The following IPO11 variants were observed in gnomAD, a reference collection of about 807,000 sequenced individuals.
The protein encoded by IPO11 is importin 11.
IPO11 carries 66 observed loss-of-function variants against 143.2 expected under a neutral mutation model. The ratio of observed to expected loss-of-function variants is 0.46; its 90% CI spans 0.38 to 0.57. The LOEUF (loss-of-function observed/expected upper bound fraction) is 0.57, where lower values mean the gene tolerates loss of function less well. Among genes scored for constraint, IPO11 ranks in the 20% least tolerant of loss-of-function variants. The pLI, the probability that IPO11 is intolerant of heterozygous loss-of-function variation, is 0.00. For synonymous variants in IPO11, 385 were observed against 377.8 expected (o/e 1.02, Z -0.22); for missense variants, 1,026 against 1,141.0 (o/e 0.90, Z 1.45).
At chr5:62,618,965 T>C (rs1216830806) in intron 29 of IPO11, among the ~76,000 whole-genome samples, 3 of 152,200 alleles carry the variant, frequency 2.0e-5, no homozygotes, top group Non-Finnish European at 4.4e-5. Context: ...GCTGGGTGGC[T>C]TACGCCTGTA....
chr5:62,534,684 TCTTTGTTGTGAGGGA>T (rs1742675342), intron 22 of IPO11, among the ~76,000 whole-genome samples: 1 of 152,148 alleles, frequency 6.6e-6, no homozygotes, highest in Non-Finnish European at 1.5e-5. Flanking sequence ...GTCAGGTAAT[TCTTTGTTGTGAGGGA>T]CTTTCCTTTG....
At chr5:62,495,528 G>T (rs1241790536) in intron 16 of IPO11, among the ~76,000 whole-genome samples, 1 of 152,156 alleles carries the variant, frequency 6.6e-6, no homozygotes, top group Admixed American at 6.5e-5. Flanking sequence ...CGGTTGCAGT[G>T]CAGTGATACT....
chr5:62,497,469 T>C (rs1419863945), intron 16 of IPO11, among the ~76,000 whole-genome samples: 1 of 152,196 alleles, frequency 6.6e-6, no homozygotes, highest in Non-Finnish European at 1.5e-5. Flanking sequence ...AATAGATTTA[T>C]TGATTACTTT....
intron 27 of IPO11, among the ~76,000 whole-genome samples, chr5:62,568,392 C>G (rs373345250): frequency 6.6e-6 from 1 of 150,834 alleles, no homozygotes; most frequent in African/African-American, 2.4e-5. Context: ...CTAGTATTTC[C>G]GTTTGATTTT....
In IPO11 at chr5:62,470,181, A is replaced by G; in HGVS notation, c.650-69A>G. ...GCTTGATTAAGTTTTGCAATTCTGAATCTTTCTTGTGATTGTAATTTTAGT... is the reference window on the plus strand; with the variant it reads ...GCTTGATTAAGTTTTGCAATTCTGAGTCTTTCTTGTGATTGTAATTTTAGT... On this transcript the variant is annotated intron_variant, in intron 6 of 29. Transcript: ENST00000325324. 6 of 1,458,614 alleles carry G rather than the reference A, an allele frequency of 4.1e-6. No homozygotes were observed. In the South Asian group the frequency reaches 6.9e-5, roughly 17 times the overall value. 90.4% of individuals were successfully genotyped at this position (1,458,614 alleles called of 1,614,324 possible).
intron 9 of IPO11, among the ~76,000 whole-genome samples, chr5:62,481,935 G>A (rs564225869): frequency 6.6e-6 from 1 of 152,062 alleles, no homozygotes; most frequent in African/African-American, 2.4e-5. Flanking sequence ...TTTTTTGATT[G>A]GTAAGCTATT....
chr5:62,419,958 G>T (rs570819629), intron 1 of IPO11, among the ~76,000 whole-genome samples: 1 of 151,956 alleles, frequency 6.6e-6, no homozygotes, highest in Non-Finnish European at 1.5e-5. Context: ...TTATGATGCC[G>T]GCATTGCTCT....
chr5:62,469,915 G>A (rs1431677290), intron 6 of IPO11, among the ~76,000 whole-genome samples: 1 of 152,142 alleles, frequency 6.6e-6, no homozygotes, highest in Non-Finnish European at 1.5e-5. Context: ...TTGAGTCATA[G>A]CTTAAAGTTT....
At chr5:62,594,345 C>A (rs1175431958) in intron 28 of IPO11, among the ~76,000 whole-genome samples, 1 of 152,190 alleles carries the variant, frequency 6.6e-6, no homozygotes, top group Non-Finnish European at 1.5e-5. Flanking sequence ...GTGGAAATCA[C>A]CAGTGGACCT....
chr5:62,447,643 T>G (rs992870554), intron 3 of IPO11, among the ~76,000 whole-genome samples: 1 of 151,848 alleles, frequency 6.6e-6, no homozygotes, highest in Non-Finnish European at 1.5e-5. Flanking sequence ...TGGAGTGCAG[T>G]GGTGCCATCA....
intron 29 of IPO11, among the ~76,000 whole-genome samples, chr5:62,602,993 C>A (rs1431288316): frequency 6.6e-6 from 1 of 152,140 alleles, no homozygotes; most frequent in Non-Finnish European, 1.5e-5. Context: ...TACTTTTCTT[C>A]CCCCAAAACA....
In IPO11 at chr5:62,453,707, T is replaced by A. The variant is rs75075322; in HGVS notation, c.516+1774T>A. 7.9e-3 allele frequency among the ~76,000 whole-genome samples: 1,202 copies of A among 152,320 alleles called. 20 individuals are homozygous for A. The highest frequency in any genetic ancestry group is 0.027 in the African/African-American group (1,138 of 41,568). On this transcript the variant is annotated intron_variant, in intron 5 of 29. Transcript: ENST00000325324. The stretch of plus-strand genomic sequence containing the variant: ...GACTGAGAGGTTTCTGAACCACACC[T>A]TTGGAATCCTCACTTTGAGGATTAT...
intron 29 of IPO11, 75 bp from the exon 30 acceptor site, chr5:62,627,079 G>A (rs1022411477): frequency 3.8e-6 from 5 of 1,331,708 alleles, no homozygotes; most frequent in Non-Finnish European, 5.2e-6. Context: ...AGATTACAAA[G>A]AACTTTTGTA....
At chr5:62,508,504 T>TTTCTTC (rs933097655) in intron 19 of IPO11, among the ~76,000 whole-genome samples, 1 of 151,718 alleles carries the variant, frequency 6.6e-6, no homozygotes, top group Non-Finnish European at 1.5e-5. Flanking sequence ...ACAATAGTGC[T>TTTCTTC]TTCTTCTTCT....
chr5:62,589,537 A>G (rs1352722993), intron 27 of IPO11, among the ~76,000 whole-genome samples: 2 of 152,174 alleles, frequency 1.3e-5, no homozygotes, highest in Non-Finnish European at 2.9e-5. Flanking sequence ...ATGCTTACCC[A>G]TTAAACATCT....
At chr5:62,614,953 A>G (rs1746075303) in intron 29 of IPO11, among the ~76,000 whole-genome samples, 1 of 152,104 alleles carries the variant, frequency 6.6e-6, no homozygotes, top group South Asian at 2.1e-4. Flanking sequence ...CCTAGACTTT[A>G]GCCATCCAGT....
In IPO11 at chr5:62,616,960, TA is replaced by T. The variant is rs544010572; in HGVS notation, c.2764-10191del. Reference sequence around the variant, plus strand: ...TTGAGGACACTGACTGACCCATTATTAAACTTTCTTGCCTTTAAAGGTTCTC... The same window carrying T: ...TTGAGGACACTGACTGACCCATTATTAACTTTCTTGCCTTTAAAGGTTCTC... On this transcript the variant is annotated intron_variant, in intron 29 of 29. Transcript: ENST00000325324. Among the ~76,000 whole-genome samples, 500 of 152,310 alleles carry T rather than the reference TA, an allele frequency of 3.3e-3. 3 individuals are homozygous for T. Among genetic ancestry groups the T allele is most frequent in the African/African-American group, 0.011 (476 of 41,568 alleles).
At chr5:62,590,106 T>C (rs919903662) in intron 27 of IPO11, among the ~76,000 whole-genome samples, 3 of 152,256 alleles carry the variant, frequency 2.0e-5, no homozygotes, top group Non-Finnish European at 2.9e-5. Context: ...CACTCCACCA[T>C]CTCAGTCTTT....
chr5:62,614,088 A>ATCTGATTTTATATGATG (rs1746035363), intron 29 of IPO11, among the ~76,000 whole-genome samples: 1 of 152,232 alleles, frequency 6.6e-6, no homozygotes, highest in South Asian at 2.1e-4. Context: ...ACATCATATT[A>ATCTGATTTTATATGATG]ATCATCTGAT....
Sources: gnomAD v4.1 joint callset for allele counts (sites outside exome capture counted in the v4.1 genomes callset) on GRCh38, gnomAD v4.1.1 for gene constraint, MANE v1.5 for transcripts, NCBI Gene and HGNC (gene_info 2026-07-23, HGNC 2026-07-21) for gene names.